Variants in TTC28 observed in about 807,000 individuals in gnomAD.
The protein encoded by TTC28 is tetratricopeptide repeat protein 28.
A neutral mutation model predicts 198.0 loss-of-function variants in TTC28; 61 were observed. That is an observed-to-expected ratio of 0.31 (90% CI 0.25 to 0.38). The LOEUF (loss-of-function observed/expected upper bound fraction) is 0.38. Among genes scored for constraint, TTC28 ranks in the 10% least tolerant of loss-of-function variants. TTC28 has a pLI of 1.00. For missense variants in TTC28, 2,678 were observed against 3,164.0 expected, an observed-to-expected ratio of 0.85 and a Z score of 3.69; for synonymous variants, 1,171 against 1,297.8, an observed-to-expected ratio of 0.90 and a Z score of 2.10.
intron 5 of TTC28, among the ~76,000 whole-genome samples, chr22:28,175,805 C>T (rs563681000): frequency 6.6e-5 from 10 of 151,718 alleles, no homozygotes; most frequent in African/African-American, 2.4e-4. Flanking sequence ...AATGGCCAAC[C>T]GGTATAAGAA....
chr22:28,057,145 G>A (rs951704130), intron 12 of TTC28, among the ~76,000 whole-genome samples: 2 of 151,960 alleles, frequency 1.3e-5, no homozygotes, highest in Admixed American at 6.6e-5. Flanking sequence ...CATTTATCTT[G>A]GGTAAATACC....
At chr22:28,350,074 C>T (rs946514269) in intron 2 of TTC28, among the ~76,000 whole-genome samples, 2 of 152,186 alleles carry the variant, frequency 1.3e-5, no homozygotes, top group African/African-American at 4.8e-5. Flanking sequence ...TAGAGAATGA[C>T]ATAAGCACTG....
rs7286815 is a variant in TTC28, at chr22:28,675,739, A to G, written c.102+3883T>C. On this transcript the variant is annotated intron_variant, in intron 1 of 22. Coordinates refer to ENST00000397906, the MANE Select transcript of TTC28 (RefSeq NM_001145418.2). Reference sequence around the variant, plus strand: ...GGGCGACAGAGTGAAACCCTGTCACACACACACACACACACACACACACAC... The same window carrying G: ...GGGCGACAGAGTGAAACCCTGTCACGCACACACACACACACACACACACAC... Among the ~76,000 whole-genome samples, 291 of 116,910 alleles carry G rather than the reference A, an allele frequency of 2.5e-3. 3 individuals carry two copies. Among genetic ancestry groups the G allele is most frequent in the African/African-American group, 9.5e-3 (272 of 28,774 alleles). The allele number at this position is 116,910 out of a possible 152,430, so 76.7% of individuals were successfully genotyped here.
chr22:28,010,684 C>G (rs8138623), intron 14 of TTC28, among the ~76,000 whole-genome samples: 7,811 of 152,288 alleles, frequency 0.051, 352 homozygotes, highest in East Asian at 0.24. Context: ...AATCACTGTG[C>G]TGGCTGGCAG....
At chr22:28,074,706 G>GT (rs1170236582) in intron 12 of TTC28, among the ~76,000 whole-genome samples, 32 of 152,106 alleles carry the variant, frequency 2.1e-4, no homozygotes, top group Non-Finnish European at 1.6e-4. Context: ...AATGTGGTCT[G>GT]TTTTTTGTCT....
chr22:28,535,510 A>G (rs2049247548), intron 2 of TTC28, among the ~76,000 whole-genome samples: 1 of 152,014 alleles, frequency 6.6e-6, no homozygotes, highest in Non-Finnish European at 1.5e-5. Flanking sequence ...ATAGATAGAT[A>G]AAGTTTTCTT....
chr22:28,448,335 C>A (rs2047731704), intron 2 of TTC28, among the ~76,000 whole-genome samples: 1 of 152,084 alleles, frequency 6.6e-6, no homozygotes, highest in Admixed American at 6.5e-5. Flanking sequence ...CATCTTTTTC[C>A]ATTGTAAATT....
chr22:28,474,541 A>G (rs1214485795), intron 2 of TTC28, among the ~76,000 whole-genome samples: 2 of 152,174 alleles, frequency 1.3e-5, no homozygotes, highest in African/African-American at 4.8e-5. Context: ...CATAATGAAA[A>G]ACATGTAGAT....
intron 2 of TTC28, among the ~76,000 whole-genome samples, chr22:28,307,319 G>T (rs1397886200): frequency 6.6e-6 from 1 of 152,086 alleles, no homozygotes; most frequent in African/African-American, 2.4e-5. Context: ...CTAACTAACT[G>T]CAGAAAAGAC....
At chr22:27,997,656 T>C (rs910009) in intron 16 of TTC28, 5,725 of 152,372 alleles carry the variant, frequency 0.038, 173 homozygotes, top group Non-Finnish European at 0.054. Flanking sequence ...GGTGGGACTT[T>C]TGCTTTGCTC....
intron 1 of TTC28, among the ~76,000 whole-genome samples, chr22:28,644,415 A>AAAAAAAG (rs2051422519): frequency 1.3e-5 from 2 of 150,200 alleles, no homozygotes; most frequent in Non-Finnish European, 3.0e-5. Flanking sequence ...AAAAAAAAAA[A>AAAAAAAG]TACAGAACTC....
At chr22:28,616,022 T>C (rs891051990) in intron 2 of TTC28, among the ~76,000 whole-genome samples, 4 of 152,226 alleles carry the variant, frequency 2.6e-5, no homozygotes, top group Non-Finnish European at 5.9e-5. Context: ...TCTCAGACTC[T>C]GGTTTATATT....
At chr22:28,272,167 T>C (rs1338952660) in intron 5 of TTC28, among the ~76,000 whole-genome samples, 2 of 152,230 alleles carry the variant, frequency 1.3e-5, no homozygotes, top group Non-Finnish European at 2.9e-5. Context: ...AATGTACATG[T>C]ATTGTCTAGC....
chr22:28,552,768 C>T (rs1218610680), intron 2 of TTC28, among the ~76,000 whole-genome samples: 1 of 143,348 alleles, frequency 7.0e-6, no homozygotes, highest in Non-Finnish European at 1.6e-5. Context: ...TCTCCGCCTC[C>T]CCCTCCCCCT....
chr22:28,336,355 A>G (rs1379592804), intron 2 of TTC28, among the ~76,000 whole-genome samples: 1 of 152,148 alleles, frequency 6.6e-6, no homozygotes, highest in East Asian at 1.9e-4. Context: ...GGCCTCATAA[A>G]ATGAGTTAGG....
intron 2 of TTC28, among the ~76,000 whole-genome samples, chr22:28,443,394 G>A (rs577780215): frequency 6.6e-6 from 1 of 152,324 alleles, no homozygotes; most frequent in East Asian, 1.9e-4. Flanking sequence ...ACAATTCTGG[G>A]TGTATTTCTC....
intron 6 of TTC28, among the ~76,000 whole-genome samples, chr22:28,154,975 C>T (rs1197299707): frequency 3.3e-5 from 5 of 152,074 alleles, no homozygotes; most frequent in African/African-American, 1.2e-4. Flanking sequence ...TCTCATTTTC[C>T]TTGGCTTCTT....
chr22:28,094,558 C>G (rs185208719), intron 11 of TTC28, among the ~76,000 whole-genome samples: 1 of 152,250 alleles, frequency 6.6e-6, no homozygotes, highest in East Asian at 1.9e-4. Context: ...GAAGCACCAA[C>G]TAGGGAAAGT....
chr22:28,165,523 T>G lies in TTC28; in HGVS notation c.934-1924A>C, dbSNP rs1921829510. Among the ~76,000 whole-genome samples the G allele has an allele frequency of 6.6e-5, 10 of 151,998 alleles. No individual in the cohort carries two copies. In the South Asian group the frequency reaches 1.9e-3, roughly 29 times the overall value. On this transcript the variant is annotated intron_variant, in intron 5 of 22. Coordinates refer to ENST00000397906, the MANE Select transcript of TTC28 (RefSeq NM_001145418.2). Reference sequence around the variant, plus strand: ...GCCAGAAGAGAGTAGGGGCCAATATTCAACATTCTTAAAGAAAAGAATTTT... The same window carrying G: ...GCCAGAAGAGAGTAGGGGCCAATATGCAACATTCTTAAAGAAAAGAATTTT...
Sources: gnomAD v4.1 joint callset for allele counts (sites outside exome capture counted in the v4.1 genomes callset) on GRCh38, gnomAD v4.1.1 for gene constraint, MANE v1.5 for transcripts, NCBI Gene and HGNC (gene_info 2026-07-23, HGNC 2026-07-21) for gene names.